MGLL: variants seen among roughly 807,000 people sequenced by gnomAD.
The protein encoded by MGLL is monoglyceride lipase.
Under a neutral mutation model 29.1 loss-of-function variants are expected in MGLL, and 7 were observed. That is an observed-to-expected ratio of 0.24 (90% CI 0.14 to 0.45). The LOEUF is 0.45. Ranked by LOEUF, MGLL falls within the 20% of genes least tolerant of loss-of-function variation. The pLI is 0.99. For synonymous variants in MGLL, 148 were observed against 168.3 expected, an observed-to-expected ratio of 0.88 and a Z score of 0.93; for missense variants, 356 against 413.6, an observed-to-expected ratio of 0.86 and a Z score of 1.21.
intron 2 of MGLL, among the ~76,000 whole-genome samples, chr3:127,802,977 T>C (rs2077502954): frequency 6.6e-6 from 1 of 151,234 alleles, no homozygotes; most frequent in Non-Finnish European, 1.5e-5. Context: ...AGTCTCTCTC[T>C]CTCTCTCTCT....
At chr3:127,799,712 G>C (rs1576305369) in intron 2 of MGLL, among the ~76,000 whole-genome samples, 1 of 152,186 alleles carries the variant, frequency 6.6e-6, no homozygotes, top group Non-Finnish European at 1.5e-5. Flanking sequence ...CATCTTGGCA[G>C]CCCCCAAGCA....
intron 5 of MGLL, 45 bp downstream of exon 5, chr3:127,721,008 C>T (rs1271249275): frequency 6.5e-7 from 1 of 1,534,596 alleles, no homozygotes; most frequent in Non-Finnish European, 9.0e-7. Flanking sequence ...AGACCCATGT[C>T]CCGGGGAACC....
chr3:127,790,930 G>A (rs1299673821), intron 2 of MGLL, among the ~76,000 whole-genome samples: 1 of 152,100 alleles, frequency 6.6e-6, no homozygotes, highest in Non-Finnish European at 1.5e-5. Context: ...AACTTGCTCT[G>A]ATGGCAACCC....
At chr3:127,695,250 C>G in intron 6 of MGLL, 60 bp from the exon 7 acceptor site, 1 of 1,521,998 alleles carries the variant, frequency 6.6e-7, no homozygotes. Flanking sequence ...ATAAGCCAGG[C>G]CTATTTCCTG....
At chr3:127,787,304 G>T (rs368285633) in intron 2 of MGLL, among the ~76,000 whole-genome samples, 1 of 152,190 alleles carries the variant, frequency 6.6e-6, no homozygotes, top group African/African-American at 2.4e-5. Flanking sequence ...CCAGACTCTG[G>T]ACTTGGCTGG....
chr3:127,790,122 TCTGCCCCTGA>T (rs2077275953), intron 2 of MGLL, among the ~76,000 whole-genome samples: 1 of 152,218 alleles, frequency 6.6e-6, no homozygotes, highest in Admixed American at 6.5e-5. Context: ...GAATCCTGGA[TCTGCCCCTGA>T]CTGGCTGCAG....
intron 3 of MGLL, among the ~76,000 whole-genome samples, chr3:127,748,447 A>G (rs1435452975): frequency 6.7e-6 from 1 of 148,554 alleles, no homozygotes; most frequent in African/African-American, 2.5e-5. Flanking sequence ...AGAGAGAGAG[A>G]GATATTCCTA....
intron 2 of MGLL, among the ~76,000 whole-genome samples, chr3:127,809,472 A>T (rs531810188): frequency 6.6e-6 from 1 of 152,138 alleles, no homozygotes; most frequent in Non-Finnish European, 1.5e-5. Flanking sequence ...CAAAAAATTT[A>T]AAAATTGTCT....
At chr3:127,702,173 G>A (rs1369553324) in intron 6 of MGLL, among the ~76,000 whole-genome samples, 1 of 152,202 alleles carries the variant, frequency 6.6e-6, no homozygotes, top group African/African-American at 2.4e-5. Context: ...TGAGCCTACC[G>A]CCTCTTTCCC....
At chr3:127,771,123 C>T (rs750749349) in intron 3 of MGLL, among the ~76,000 whole-genome samples, 3 of 152,172 alleles carry the variant, frequency 2.0e-5, no homozygotes, top group Non-Finnish European at 4.4e-5. Flanking sequence ...CTCAACCCTA[C>T]AATTTGTGCT....
chr3:127,809,146 G>A (rs1033673599), intron 2 of MGLL, among the ~76,000 whole-genome samples: 1 of 151,896 alleles, frequency 6.6e-6, no homozygotes, highest in Non-Finnish European at 1.5e-5. Context: ...CAGAATGTAG[G>A]GAGTGAGGGG....
intron 6 of MGLL, among the ~76,000 whole-genome samples, chr3:127,703,529 T>C (rs1409973682): frequency 6.6e-6 from 1 of 152,238 alleles, no homozygotes; most frequent in African/African-American, 2.4e-5. Flanking sequence ...TCCTTCCTCT[T>C]GGGCAACCCA....
intron 6 of MGLL, among the ~76,000 whole-genome samples, chr3:127,707,381 A>T (rs1311726636): frequency 1.3e-5 from 2 of 152,124 alleles, no homozygotes; most frequent in African/African-American, 4.8e-5. Flanking sequence ...TGGCCATAGA[A>T]CTCTTTAGAA....
intron 6 of MGLL, among the ~76,000 whole-genome samples, chr3:127,700,274 T>G (rs2075453303): frequency 6.6e-6 from 1 of 152,202 alleles, no homozygotes; most frequent in African/African-American, 2.4e-5. Context: ...ACCTTTGTCT[T>G]GAATGGCCGG....
rs781774464 is a variant in MGLL, at chr3:127,690,267, T to G, written c.*1931A>C. On this transcript the variant is annotated 3_prime_UTR_variant, in exon 8 of 8. Transcript: ENST00000265052. ...GGGGCTGGCTTTCTCAGTGCATATTTTACATTTTTCTCCTTCAAAGAGAAG... is the reference window on the plus strand; with the variant it reads ...GGGGCTGGCTTTCTCAGTGCATATTGTACATTTTTCTCCTTCAAAGAGAAG... 3.9e-5 allele frequency: 6 copies of G among 152,156 alleles called. No homozygotes were observed. Among genetic ancestry groups the G allele is most frequent in the Non-Finnish European group, 7.3e-5 (5 of 68,032 alleles). The allele number at this position is 152,156 out of a possible 1,614,324, so 9.4% of individuals were successfully genotyped here.
chr3:127,812,272 A>G (rs1042882744), intron 2 of MGLL, among the ~76,000 whole-genome samples: 1 of 152,204 alleles, frequency 6.6e-6, no homozygotes, highest in Non-Finnish European at 1.5e-5. Context: ...TGCATTCCAC[A>G]TAAAAGAAAA....
At chr3:127,806,085 T>C (rs2077559844) in intron 2 of MGLL, among the ~76,000 whole-genome samples, 1 of 152,206 alleles carries the variant, frequency 6.6e-6, no homozygotes. Context: ...TTTGTTCTGG[T>C]GCATAGAATT....
At chr3:127,722,321 G>A (rs1576503409) in intron 4 of MGLL, 109 bp downstream of exon 4, 1 of 1,483,158 alleles carries the variant, frequency 6.7e-7, no homozygotes, top group East Asian at 2.3e-5. Flanking sequence ...GAGACATCAT[G>A]CCAGCCAGGC....
rs367563903 is a variant in MGLL, at chr3:127,692,597, T to G, written c.817-274A>C. Among the ~76,000 whole-genome samples the G allele has an allele frequency of 1.1e-4, 16 of 152,292 alleles. 1 individual carries two copies. In the South Asian group the frequency reaches 3.3e-3, roughly 32 times the overall value. ...ATCTCTCCCCATCCCTGGACCCGTT[T>G]CTGTGTCTCTGAGTCAGGCAACCTT... On this transcript the variant is annotated intron_variant, in intron 7 of 7. Coordinates refer to ENST00000265052, the MANE Select transcript of MGLL (RefSeq NM_007283.7).
Sources: allele counts gnomAD v4.1 joint callset (sites outside exome capture counted in the v4.1 genomes callset), GRCh38; gene constraint gnomAD v4.1.1; transcripts MANE v1.5; gene names NCBI Gene and HGNC (gene_info 2026-07-23, HGNC 2026-07-21).